The following INPP5D variants were observed in gnomAD, a reference collection of about 807,000 sequenced individuals.
INPP5D encodes phosphatidylinositol 3,4,5-trisphosphate 5-phosphatase 1.
A neutral mutation model predicts 122.9 loss-of-function variants in INPP5D; 33 were observed. The ratio of observed to expected loss-of-function variants is 0.27; its 90% CI spans 0.20 to 0.36. INPP5D has a LOEUF of 0.36. Among genes scored for constraint, INPP5D ranks in the 10% least tolerant of loss-of-function variants. The pLI is 1.00. For missense variants in INPP5D, 1,053 were observed against 1,412.7 expected, an observed-to-expected ratio of 0.75 and a Z score of 4.08; for synonymous variants, 584 against 576.2, an observed-to-expected ratio of 1.01 and a Z score of -0.19.
intron 1 of INPP5D, among the ~76,000 whole-genome samples, chr2:233,074,966 C>T (rs1051109151): frequency 1.3e-5 from 2 of 152,176 alleles, no homozygotes; most frequent in African/African-American, 4.8e-5. Flanking sequence ...GAATCAAACA[C>T]GATGATGTTT....
rs1300985661 is a variant in INPP5D at position 233,137,367 on chromosome 2, A to C, written c.666-2475A>C. Among the ~76,000 whole-genome samples the C allele has an allele frequency of 2.0e-5, 3 of 152,304 alleles. No homozygotes were observed. In the East Asian group the frequency reaches 5.8e-4, roughly 29 times the overall value. On this transcript the variant is annotated intron_variant, in intron 5 of 26. Coordinates refer to ENST00000445964, the MANE Select transcript of INPP5D (RefSeq NM_001017915.3). ...AAAATCATTTTTAAAAAAAAGGAATAGAAGGATACTTCCTTAATAATGCAA... is the reference window on the plus strand; with the variant it reads ...AAAATCATTTTTAAAAAAAAGGAATCGAAGGATACTTCCTTAATAATGCAA...
At chr2:233,108,322 C>G (rs1387107713) in intron 2 of INPP5D, among the ~76,000 whole-genome samples, 1 of 152,208 alleles carries the variant, frequency 6.6e-6, no homozygotes, top group Non-Finnish European at 1.5e-5. Context: ...TGGAAATGTC[C>G]CCTGGGATGC....
intron 21 of INPP5D, among the ~76,000 whole-genome samples, chr2:233,186,651 T>A (rs1167966767): frequency 6.9e-6 from 1 of 145,516 alleles, no homozygotes; most frequent in Non-Finnish European, 1.5e-5. Flanking sequence ...AAAAAAAATT[T>A]TTTTTCTCTT....
In INPP5D at chr2:233,128,583, TC is replaced by T. The variant is rs1207012927; in HGVS notation, c.525-1923del. 6.6e-6 allele frequency among the ~76,000 whole-genome samples: 1 copy of T among 152,064 alleles called. No individual in the cohort carries two copies. Among genetic ancestry groups the T allele is most frequent in the East Asian group, 1.9e-4 (1 of 5,172 alleles). ...ACCTCTACCTCCTGGGTTCAAGCAA[TC>T]CTCCCGCCTCAGCCTCCTGAGTAGC... On this transcript the variant is annotated intron_variant, in intron 4 of 26. Transcript: ENST00000445964. The surrounding 1 kb of genome is among the most constrained non-coding windows in gnomAD (Gnocchi z 4.5).
chr2:233,143,423 C>T (rs1693670809), intron 6 of INPP5D, among the ~76,000 whole-genome samples: 1 of 152,164 alleles, frequency 6.6e-6, no homozygotes. Context: ...ATGTTCTCTA[C>T]TGTGAAAAGG....
At chr2:233,092,511 G>A (rs947997168) in intron 2 of INPP5D, among the ~76,000 whole-genome samples, 1 of 152,186 alleles carries the variant, frequency 6.6e-6, no homozygotes, top group African/African-American at 2.4e-5. Context: ...TGATGAGCCT[G>A]TGCAATGATG....
chr2:233,137,947 TATA>T (rs1307671610), intron 5 of INPP5D, among the ~76,000 whole-genome samples: 2 of 100,878 alleles, frequency 2.0e-5, no homozygotes, highest in African/African-American at 3.2e-5. Context: ...ATTATTATGA[TATA>T]ATGATATTAT....
intron 25 of INPP5D, among the ~76,000 whole-genome samples, chr2:233,201,010 A>AAATAAATG (rs1391856228): frequency 2.0e-5 from 3 of 148,970 alleles, no homozygotes; most frequent in African/African-American, 7.4e-5. Context: ...ATAAATAAAT[A>AAATAAATG]GATGAGAGGA....
chr2:233,170,989 C>A lies in INPP5D; in HGVS notation c.1901-75C>A. The A allele has an allele frequency of 1.9e-6, 3 of 1,572,618 alleles. No individual in the cohort carries two copies. Among genetic ancestry groups the A allele is most frequent in the Non-Finnish European group, 1.7e-6 (2 of 1,157,528 alleles). ...TCGTCCCCTTTCCCCTGATTTCCTACCAGAAGAATAGGGAAAATTGGCCAG... is the reference window on the plus strand; with the variant it reads ...TCGTCCCCTTTCCCCTGATTTCCTAACAGAAGAATAGGGAAAATTGGCCAG... On this transcript the variant is annotated intron_variant, in intron 16 of 26. Transcript: ENST00000445964. This position sits in a 1 kb window ranked among gnomAD's most constrained non-coding sequence, Gnocchi z 4.5.
chr2:233,079,479 A>G (rs1169612257), intron 2 of INPP5D, 81 bp downstream of exon 2: 10 of 922,772 alleles, frequency 1.1e-5, no homozygotes, highest in Non-Finnish European at 1.2e-5. Context: ...ATGAGGAAGG[A>G]AGTGCACGCG....
intron 2 of INPP5D, among the ~76,000 whole-genome samples, chr2:233,121,509 C>CTTTTA (rs57378992): frequency 0.029 from 4,255 of 147,318 alleles, 145 homozygotes; most frequent in African/African-American, 0.076. Flanking sequence ...TATAAAAATA[C>CTTTTA]TTTTATTTTA....
At chr2:233,062,052 C>A (rs1574694092) in intron 1 of INPP5D, among the ~76,000 whole-genome samples, 2 of 152,342 alleles carry the variant, frequency 1.3e-5, no homozygotes, top group Middle Eastern at 3.4e-3. Flanking sequence ...GCTGCCTGGA[C>A]TTCCCCAGTG....
At chr2:233,095,115 G>A (rs1692102582) in intron 2 of INPP5D, among the ~76,000 whole-genome samples, 3 of 152,208 alleles carry the variant, frequency 2.0e-5, no homozygotes, top group African/African-American at 4.8e-5. Flanking sequence ...CTATGCAGCT[G>A]CTTAAAAAAT....
Position 233,206,628 on chromosome 2 carries a change from TGCAGGGAC to T in INPP5D, c.3568-77_3568-70del, listed in dbSNP as rs1380832420. ...AGGAAGCCTGGCCTAGCCCACAGCA[TGCAGGGAC>T]CTGGGCCACTTAGTTCAACATGGCC... is the stretch of plus-strand genomic sequence containing the variant. On this transcript the variant is annotated intron_variant, in intron 26 of 26. Coordinates refer to ENST00000445964, the MANE Select transcript of INPP5D (RefSeq NM_001017915.3). The surrounding 1 kb of genome is among the most constrained non-coding windows in gnomAD (Gnocchi z 4.0). 9 of 731,060 alleles carry T rather than the reference TGCAGGGAC, an allele frequency of 1.2e-5. No homozygotes were observed. The highest frequency in any genetic ancestry group is 2.0e-5 in the Non-Finnish European group (8 of 391,842). The allele number at this position is 731,060 out of a possible 1,614,324, so 45.3% of individuals were successfully genotyped here.
In INPP5D at chr2:233,206,740, C is replaced by T. The variant is rs1460686980; in HGVS notation, c.*32C>T. The T allele has an allele frequency of 2.6e-6, 2 of 764,466 alleles. No homozygotes were observed. The highest frequency in any genetic ancestry group is 2.5e-5 in the East Asian group (1 of 40,406). The allele number at this position is 764,466 out of a possible 1,614,324, so 47.4% of individuals were successfully genotyped here. A position where few individuals can be genotyped will look rare whatever the true frequency, so the allele number is the denominator to read the frequency against. The stretch of plus-strand genomic sequence containing the variant: ...CAGTGAGCTGCCACTGAGTCGGGAG[C>T]CCAGAGGAACGGCGTGAAGCCACTG... On this transcript the variant is annotated 3_prime_UTR_variant, in exon 27 of 27. Transcript: ENST00000445964. This position sits in a 1 kb window ranked among gnomAD's most constrained non-coding sequence, Gnocchi z 4.0.
At chr2:233,097,199 A>G (rs1297869648) in intron 2 of INPP5D, among the ~76,000 whole-genome samples, 1 of 152,164 alleles carries the variant, frequency 6.6e-6, no homozygotes, top group Non-Finnish European at 1.5e-5. Flanking sequence ...TTCCATTGAT[A>G]GATTAATCTA....
intron 1 of INPP5D, among the ~76,000 whole-genome samples, chr2:233,072,917 C>T (rs895540476): frequency 2.6e-5 from 4 of 152,196 alleles, no homozygotes; most frequent in Non-Finnish European, 5.9e-5. Context: ...TGGCTGGCAC[C>T]CTCAGGATCC....
chr2:233,143,131 A>G (rs1193221480), intron 6 of INPP5D, among the ~76,000 whole-genome samples: 1 of 150,984 alleles, frequency 6.6e-6, no homozygotes, highest in African/African-American at 2.5e-5. Context: ...AAATCAAGAC[A>G]TGTGAGGATT....
At chr2:233,081,251 G>T (rs913598811) in intron 2 of INPP5D, among the ~76,000 whole-genome samples, 2 of 152,158 alleles carry the variant, frequency 1.3e-5, no homozygotes, top group African/African-American at 4.8e-5. Flanking sequence ...CCTGTCTGGG[G>T]CAGGCAGTTG....
Sources: gnomAD v4.1 joint callset for allele counts (sites outside exome capture counted in the v4.1 genomes callset) on GRCh38, gnomAD v4.1.1 for gene constraint, Gnocchi (gnomAD v3.1) non-coding constraint, MANE v1.5 for transcripts, NCBI Gene and HGNC (gene_info 2026-07-23, HGNC 2026-07-21) for gene names.